Variants in WBP11 observed in about 807,000 individuals in gnomAD.
WBP11 encodes WW domain binding protein 11.
In WBP11, 12 loss-of-function variants were observed where a neutral mutation model predicts 66.7. The ratio of observed to expected loss-of-function variants is 0.18; its 90% CI spans 0.12 to 0.29. The LOEUF (loss-of-function observed/expected upper bound fraction) is 0.29. Ranked by LOEUF, WBP11 falls within the 10% of genes least tolerant of loss-of-function variation. The pLI is 1.00. For synonymous variants in WBP11, 255 were observed against 273.8 expected, an observed-to-expected ratio of 0.93 and a Z score of 0.68; for missense variants, 555 against 818.3, an observed-to-expected ratio of 0.68 and a Z score of 3.93.
chr12:14,796,915 T>C lies in WBP11; in HGVS notation c.279A>G (p.Leu93=), dbSNP rs375425701. ...KKLRETFERI[L]RLYEKENPDI... is the part of the protein sequence containing the mutation. The stretch of plus-strand genomic sequence containing the variant: ...CTGGATTCTCTTTTTCATAGAGTCG[T>C]AGAATACGTTCAAAGGTTTCACGCA... The change falls in exon 5 of 12, where the codon CTA becomes CTG. Residue 93 remains leucine, a synonymous_variant. Coordinates refer to ENST00000261167, the MANE Select transcript of WBP11 (RefSeq NM_016312.3). This position sits in a 1 kb window ranked among gnomAD's most constrained non-coding sequence, Gnocchi z 4.5. 22 of 1,612,104 alleles carry C rather than the reference T, an allele frequency of 1.4e-5. No homozygotes were observed. The highest frequency in any genetic ancestry group is 2.7e-5 in the African/African-American group (2 of 74,776).
rs1266626334 is a variant in WBP11, at chr12:14,791,240, C to T, written c.944G>A (p.Gly315Glu). The T allele has an allele frequency of 6.2e-7, 1 of 1,614,028 alleles. No homozygotes were observed. The highest frequency in any genetic ancestry group is 1.7e-5 in the Admixed American group (1 of 60,012). The change falls in exon 9 of 12, where the codon GGA becomes GAA. Residue 315 changes from glycine (G) to glutamate (E), a missense_variant. Coordinates refer to ENST00000261167, the MANE Select transcript of WBP11 (RefSeq NM_016312.3). ...GLSVRFADMP[G>E]KSRKKKKNMK... ...GTTCTTCTTTTTCTTCCTTGATTTT[C>T]CAGGCATATCTGCAAACCGTACACT...
At chr12:14,790,815 T>C in intron 9 of WBP11, 66 bp from the exon 10 acceptor site, 1 of 1,442,798 alleles carries the variant, frequency 6.9e-7, no homozygotes, top group African/African-American at 1.4e-5. Flanking sequence ...AGAACAGCAA[T>C]GACTGAATAC....
chr12:14,794,039 CAAA>C (rs34287115), intron 7 of WBP11, 117 bp from the exon 8 acceptor site: 360 of 330,910 alleles, frequency 1.1e-3, no homozygotes, highest in South Asian at 1.7e-3. Context: ...TAATTCTTAC[CAAA>C]AAAAAAAAAA....
In WBP11 at chr12:14,787,473, C is replaced by T; in HGVS notation, c.1518G>A (p.Met506Ile). 6.6e-7 allele frequency: 1 copy of T among 1,513,422 alleles called. No individual in the cohort carries two copies. Among genetic ancestry groups the T allele is most frequent in the Non-Finnish European group, 8.8e-7 (1 of 1,130,698 alleles). The allele number at this position is 1,513,422 out of a possible 1,614,324, so 93.7% of individuals were successfully genotyped here. The stretch of plus-strand genomic sequence containing the variant: ...GGGGAGGCACCAAAGGTGGGCGCAT[C>T]ATGCCAGGACGAGGTGGAGGAATAC... The part of the protein sequence containing the change: ...PPGIPPPRPG[M>I]MRPPLVPPLG... Residue 506 changes from methionine (M) to isoleucine (I), a missense_variant, in exon 12 of 12, where the codon ATG becomes ATA. Coordinates refer to ENST00000261167, the MANE Select transcript of WBP11 (RefSeq NM_016312.3).
intron 8 of WBP11, 62 bp from the exon 9 acceptor site, chr12:14,791,332 T>C (rs1592217239): frequency 3.6e-6 from 5 of 1,383,576 alleles, no homozygotes; most frequent in Non-Finnish European, 5.1e-6. Context: ...AAATGTTTAC[T>C]ACGTAGCACT....
Position 14,791,157 on chromosome 12 carries a change from T to G in WBP11, c.1015+12A>C, listed in dbSNP as rs771420457. 15 of 1,612,876 alleles carry G rather than the reference T, an allele frequency of 9.3e-6. No homozygotes were observed. The African/African-American group carries it at 2.0e-4, about 22-fold the overall frequency. On this transcript the variant is annotated intron_variant, in intron 9 of 11. Coordinates refer to ENST00000261167, the MANE Select transcript of WBP11 (RefSeq NM_016312.3). ...CACCAAAAGGTGATTCACTATTTTTTCCCTGCCTCACCTGCCATACGAAGC... is the reference window on the plus strand; with the variant it reads ...CACCAAAAGGTGATTCACTATTTTTGCCCTGCCTCACCTGCCATACGAAGC...
intron 4 of WBP11, among the ~76,000 whole-genome samples, chr12:14,798,775 G>C (rs1167051734): frequency 2.6e-5 from 4 of 151,990 alleles, no homozygotes; most frequent in Non-Finnish European, 5.9e-5. Context: ...CATGGAACTT[G>C]TAACGATCAC....
intron 4 of WBP11, 57 bp from the exon 5 acceptor site, chr12:14,797,060 C>A: frequency 1.4e-6 from 2 of 1,426,950 alleles, no homozygotes; most frequent in South Asian, 1.6e-5. Flanking sequence ...AATTAGGTAT[C>A]AATAGGTTAC....
At chr12:14,788,855 C>T (rs1196556644) in intron 11 of WBP11, 96 bp downstream of exon 11, 1 of 666,160 alleles carries the variant, frequency 1.5e-6, no homozygotes, top group African/African-American at 1.9e-5. Flanking sequence ...TGTAAGATGA[C>T]CTCAGATTTC....
Position 14,794,517 on chromosome 12 carries a change from A to C in WBP11, c.721+20T>G, listed in dbSNP as rs376286243. ...ATAAAAAATGATAGTTATAAAAGCA[A>C]AAGAACAGTCACTTCTCACCAAGTT... On this transcript the variant is annotated intron_variant, in intron 7 of 11. Coordinates refer to ENST00000261167, the MANE Select transcript of WBP11 (RefSeq NM_016312.3). 3.1e-6 allele frequency: 5 copies of C among 1,612,504 alleles called. No individual in the cohort carries two copies. The highest frequency in any genetic ancestry group is 4.2e-6 in the Non-Finnish European group (5 of 1,179,790).
chr12:14,787,451 G>T lies in WBP11; in HGVS notation c.1540C>A (p.Pro514Thr), dbSNP rs745834529. The T allele has an allele frequency of 4.6e-5, 70 of 1,532,494 alleles. No individual in the cohort carries two copies. The highest frequency in any genetic ancestry group is 6.0e-5 in the Non-Finnish European group (68 of 1,139,046). 94.9% of individuals were successfully genotyped at this position (1,532,494 alleles called of 1,614,324 possible). Residue 514 changes from proline (P) to threonine (T), a missense_variant, in exon 12 of 12, where the codon CCC (proline) becomes ACC (threonine). This residue lies in a region of WBP11 where 230 missense variants were observed against 286.3 expected (regional missense o/e 0.80). Transcript: ENST00000261167. ...AGCCCAGGGGGGGCAGGTCCAAGGG[G>T]AGGCACCAAAGGTGGGCGCATCATG... is the stretch of plus-strand genomic sequence containing the variant. ...PGMMRPPLVP[P>T]LGPAPPGLFP...
intron 3 of WBP11, among the ~76,000 whole-genome samples, chr12:14,800,354 T>G (rs1039574220): frequency 1.3e-5 from 2 of 151,862 alleles, no homozygotes; most frequent in Non-Finnish European, 1.5e-5. Context: ...ATTATAAACC[T>G]ACATATATAT....
chr12:14,791,320 G>T, intron 8 of WBP11, 50 bp from the exon 9 acceptor site: 1 of 1,520,758 alleles, frequency 6.6e-7, no homozygotes, highest in Non-Finnish European at 9.1e-7. Context: ...ACAAAATTCA[G>T]TAAATGTTTA....
intron 8 of WBP11, 91 bp from the exon 9 acceptor site, chr12:14,791,361 T>C (rs984026258): frequency 2.8e-5 from 28 of 1,008,096 alleles, no homozygotes; most frequent in Non-Finnish European, 3.8e-5. Flanking sequence ...CTAGATATGA[T>C]TGCTACCCAC....
chr12:14,800,835 G>A (rs1298542320), intron 2 of WBP11, 52 bp from the exon 3 acceptor site: 1 of 1,462,488 alleles, frequency 6.8e-7, no homozygotes. Context: ...TTGAACATTA[G>A]CATTTCCTCC....
rs1949759148 is a variant in WBP11, at chr12:14,786,824, A to C, written c.*241T>G. 1.5e-5 allele frequency: 6 copies of C among 398,760 alleles called. No individual in the cohort carries two copies. Among genetic ancestry groups the C allele is most frequent in the Non-Finnish European group, 2.7e-5 (6 of 221,970 alleles). 24.7% of individuals were successfully genotyped at this position (398,760 alleles called of 1,614,324 possible). A position where few individuals can be genotyped will look rare whatever the true frequency, so the allele number is the denominator to read the frequency against. ...GAGGAGGGGAAGAAACAGGGTGAAAATGGTGGTATGAAAGGGAATGGATGT... is the reference window on the plus strand; with the variant it reads ...GAGGAGGGGAAGAAACAGGGTGAAACTGGTGGTATGAAAGGGAATGGATGT... On this transcript the variant is annotated 3_prime_UTR_variant, in exon 12 of 12. Transcript: ENST00000261167.
In WBP11 at chr12:14,802,347, AG is replaced by A. The variant is rs1313047610; in HGVS notation, c.-45-920del. ...AGTAGACACTTTTTAAAGGTAAGAA[AG>A]GGAAGATTTTGTCAGCCCAGTTTAT... On this transcript the variant is annotated intron_variant, in intron 1 of 11. Coordinates refer to ENST00000261167, the MANE Select transcript of WBP11 (RefSeq NM_016312.3). Among the ~76,000 whole-genome samples, 10 of 152,304 alleles carry A rather than the reference AG, an allele frequency of 6.6e-5. No homozygotes were observed. The East Asian group carries it at 1.9e-3, about 29-fold the overall frequency.
At chr12:14,803,249 G>A in intron 1 of WBP11, 103 bp downstream of exon 1, 8 of 394,212 alleles carry the variant, frequency 2.0e-5, no homozygotes, top group Non-Finnish European at 2.2e-5. Flanking sequence ...CCAGGGAGAG[G>A]AGGAGCGGGG....
At chr12:14,787,677 A>G (rs554150056) in intron 11 of WBP11, among the ~76,000 whole-genome samples, 179 bp from the exon 12 acceptor site, 4 of 152,328 alleles carry the variant, frequency 2.6e-5, no homozygotes, top group African/African-American at 9.6e-5. Context: ...ATAAAACAGT[A>G]TTTACCTTCA....
Sources: gnomAD v4.1 joint callset for allele counts (sites outside exome capture counted in the v4.1 genomes callset) on GRCh38, gnomAD v4.1.1 for gene constraint, gnomAD v4.1.1 regional missense constraint, Gnocchi (gnomAD v3.1) non-coding constraint, MANE v1.5 for transcripts, NCBI Gene and HGNC (gene_info 2026-07-23, HGNC 2026-07-21) for gene names.